Variants in DLGAP1 observed in about 807,000 individuals in gnomAD.
DLGAP1 encodes disks large-associated protein 1.
In DLGAP1, 11 loss-of-function variants were observed where a neutral mutation model predicts 90.8. The observed-to-expected ratio is 0.12, with a 90% CI of 0.08 to 0.20. The LOEUF (loss-of-function observed/expected upper bound fraction) is 0.20. Ranked by LOEUF, DLGAP1 falls within the 10% of genes least tolerant of loss-of-function variation. The probability of loss-of-function intolerance (pLI) is 1.00; values close to 1 mark genes in which losing one functional copy is unlikely to be tolerated. For synonymous variants in DLGAP1, 558 were observed against 540.7 expected (o/e 1.03, Z -0.44); for missense variants, 1,050 against 1,333.8 (o/e 0.79, Z 3.31).
At position 4,455,193 on chromosome 18, in the gene DLGAP1, G is replaced by T. The variant is rs2083943978; in HGVS notation, c.-454C>A. 1 of 151,478 alleles carries T rather than the reference G, an allele frequency of 6.6e-6. No homozygotes were observed. The highest frequency in any genetic ancestry group is 2.4e-5 in the African/African-American group (1 of 41,390). The allele number at this position is 151,478 out of a possible 1,614,324, so 9.4% of individuals were successfully genotyped here. A position where few individuals can be genotyped will look rare whatever the true frequency, so the allele number is the denominator to read the frequency against. ...GCCTATGCTGCCGATTCCCCGAGGC[G>T]GAAGGTGTCCGCGAGGCCGTGTCCT... On this transcript the variant is annotated 5_prime_UTR_variant, in exon 1 of 13. Coordinates refer to ENST00000315677, the MANE Select transcript of DLGAP1 (RefSeq NM_004746.4).
intron 1 of DLGAP1, among the ~76,000 whole-genome samples, chr18:4,442,302 A>T (rs2658245): frequency 0.66 from 99,884 of 151,878 alleles, 33,225 homozygotes; most frequent in East Asian, 0.74. Flanking sequence ...CCAGCCCTGA[A>T]ATCACTTTCT....
chr18:4,440,170 G>C (rs1409071786), intron 1 of DLGAP1, among the ~76,000 whole-genome samples: 4 of 145,900 alleles, frequency 2.7e-5, no homozygotes, highest in African/African-American at 1.0e-4. Context: ...ATAAGTGCCA[G>C]CAATAAGAAA....
chr18:3,759,805 G>T (rs529209546), intron 5 of DLGAP1, among the ~76,000 whole-genome samples: 1 of 152,340 alleles, frequency 6.6e-6, no homozygotes, highest in African/African-American at 2.4e-5. Flanking sequence ...ATTAGGAAAA[G>T]CTTCAGACAG....
intron 4 of DLGAP1, among the ~76,000 whole-genome samples, chr18:3,875,661 T>C (rs1379894099): frequency 6.6e-6 from 1 of 152,186 alleles, no homozygotes; most frequent in African/African-American, 2.4e-5. Context: ...TCTAGAATTT[T>C]AAAGAGCAAA....
chr18:3,904,894 T>C (rs2148886031), intron 3 of DLGAP1, among the ~76,000 whole-genome samples: 1 of 152,174 alleles, frequency 6.6e-6, no homozygotes, highest in African/African-American at 2.4e-5. Flanking sequence ...TGTACCCCAC[T>C]CATTTGGCAT....
intron 1 of DLGAP1, among the ~76,000 whole-genome samples, chr18:4,350,893 C>T (rs2081390210): frequency 6.6e-6 from 1 of 152,056 alleles, no homozygotes; most frequent in African/African-American, 2.4e-5. Context: ...ATTTTACTAG[C>T]TAATGATCTC....
intron 2 of DLGAP1, among the ~76,000 whole-genome samples, chr18:4,132,355 T>C (rs1032235330): frequency 7.9e-5 from 12 of 152,136 alleles, no homozygotes; most frequent in African/African-American, 2.9e-4. Context: ...GATTGGCCTA[T>C]ATTAGGGCAT....
intron 4 of DLGAP1, chr18:3,874,354 C>T: frequency 6.6e-7 from 1 of 1,506,238 alleles, no homozygotes; most frequent in Non-Finnish European, 8.9e-7. Flanking sequence ...TTCCCTTTTC[C>T]TGTTTCTACG....
intron 1 of DLGAP1, among the ~76,000 whole-genome samples, chr18:4,179,832 T>G (rs1004343117): frequency 1.2e-4 from 19 of 152,192 alleles, no homozygotes; most frequent in Non-Finnish European, 2.2e-4. Flanking sequence ...ATCGAGCCAT[T>G]AAATCTCGGC....
rs565408729 is a variant in DLGAP1 at position 3,975,681 on chromosome 18, T to C, written c.-73+29435A>G. Among the ~76,000 whole-genome samples the C allele has an allele frequency of 2.0e-5, 3 of 152,250 alleles. No homozygotes were observed. In the South Asian group the frequency reaches 6.2e-4, roughly 32 times the overall value. On this transcript the variant is annotated intron_variant, in intron 3 of 12. Transcript: ENST00000315677. ...AAAAAGTGAAGCAACCCAAGTGCCC[T>C]AAGAAGAATGAATGGATACAAAATG...
intron 7 of DLGAP1, among the ~76,000 whole-genome samples, chr18:3,635,237 T>C (rs559435136): frequency 1.3e-3 from 203 of 151,798 alleles, no homozygotes; most frequent in African/African-American, 2.3e-3. Flanking sequence ...TTCACGCCAT[T>C]CTCCTGCCTC....
chr18:3,635,660 A>G (rs2058691444), intron 7 of DLGAP1, among the ~76,000 whole-genome samples: 1 of 151,460 alleles, frequency 6.6e-6, no homozygotes, highest in Non-Finnish European at 1.5e-5. Context: ...CAACTTCCTT[A>G]TGTTTAACCC....
At chr18:3,924,174 G>A (rs955266470) in intron 3 of DLGAP1, among the ~76,000 whole-genome samples, 6 of 152,166 alleles carry the variant, frequency 3.9e-5, no homozygotes, top group African/African-American at 1.4e-4. Context: ...ACTCTCTCAC[G>A]TCATATTAGC....
At chr18:3,632,187 G>T (rs1227085736) in intron 7 of DLGAP1, among the ~76,000 whole-genome samples, 1 of 151,994 alleles carries the variant, frequency 6.6e-6, no homozygotes, top group Non-Finnish European at 1.5e-5. Flanking sequence ...TTCCATCAGG[G>T]ATCATTTTTC....
intron 2 of DLGAP1, among the ~76,000 whole-genome samples, chr18:4,124,065 C>T (rs1212562002): frequency 6.6e-6 from 1 of 152,166 alleles, no homozygotes; most frequent in Non-Finnish European, 1.5e-5. Flanking sequence ...TGAACTAACT[C>T]CTGTCCACTA....
chr18:4,354,472 A>T (rs1308025980), intron 1 of DLGAP1, among the ~76,000 whole-genome samples: 1 of 152,170 alleles, frequency 6.6e-6, no homozygotes, highest in Non-Finnish European at 1.5e-5. Context: ...TCACATTTCT[A>T]CACAGCTGTA....
intron 1 of DLGAP1, among the ~76,000 whole-genome samples, chr18:4,259,484 G>T (rs1333858508): frequency 6.6e-6 from 1 of 152,142 alleles, no homozygotes; most frequent in Non-Finnish European, 1.5e-5. Flanking sequence ...CCTGGCAAAT[G>T]GTAGACAGAA....
intron 4 of DLGAP1, among the ~76,000 whole-genome samples, chr18:3,844,525 G>A (rs981172900): frequency 6.6e-6 from 1 of 152,092 alleles, no homozygotes; most frequent in Non-Finnish European, 1.5e-5. Flanking sequence ...GAGTAACCAA[G>A]GTAGCAATAG....
intron 8 of DLGAP1, chr18:3,580,669 G>A (rs2055442315): frequency 6.2e-6 from 10 of 1,609,586 alleles, no homozygotes; most frequent in South Asian, 4.4e-5. Flanking sequence ...TGCTGGGCCC[G>A]GCCCCTGAGG....
Sources: allele counts gnomAD v4.1 joint callset (sites outside exome capture counted in the v4.1 genomes callset), GRCh38; gene constraint gnomAD v4.1.1; transcripts MANE v1.5; gene names NCBI Gene and HGNC (gene_info 2026-07-23, HGNC 2026-07-21).